The following NFATC2 variants were observed in gnomAD, a reference collection of about 807,000 sequenced individuals.
NFATC2 encodes nuclear factor of activated T-cells, cytoplasmic 2.
A neutral mutation model predicts 87.3 loss-of-function variants in NFATC2; 22 were observed. The ratio of observed to expected loss-of-function variants is 0.25; its 90% CI spans 0.18 to 0.36. The LOEUF (loss-of-function observed/expected upper bound fraction) is 0.36. Among genes scored for constraint, NFATC2 ranks in the 10% least tolerant of loss-of-function variants. The pLI, the probability that NFATC2 is intolerant of heterozygous loss-of-function variation, is 1.00. For missense variants in NFATC2, 1,149 were observed against 1,259.1 expected (o/e 0.91, Z 1.32); for synonymous variants, 565 against 542.2 (o/e 1.04, Z -0.58).
intron 9 of NFATC2, among the ~76,000 whole-genome samples, chr20:51,405,648 A>T (rs1988489395): frequency 6.6e-6 from 1 of 152,168 alleles, no homozygotes; most frequent in South Asian, 2.1e-4. Context: ...CTGGTTGGTA[A>T]TACCCTCATT....
intron 1 of NFATC2, among the ~76,000 whole-genome samples, chr20:51,561,439 GAAA>G (rs55891243): frequency 0.033 from 2,701 of 82,528 alleles, 42 homozygotes; most frequent in Middle Eastern, 0.055. Flanking sequence ...AGAAAAGAAA[GAAA>G]GAAAGAAAGA....
intron 6 of NFATC2, among the ~76,000 whole-genome samples, chr20:51,440,315 A>G (rs1984162281): frequency 6.6e-6 from 1 of 151,634 alleles, no homozygotes; most frequent in South Asian, 2.1e-4. Flanking sequence ...TTATTTCAAC[A>G]CTGTCTTCTT....
intron 10 of NFATC2, among the ~76,000 whole-genome samples, chr20:51,396,079 TATATATATATATATAA>T (rs1987079757): frequency 1.7e-5 from 1 of 57,622 alleles, no homozygotes; most frequent in African/African-American, 8.7e-5. Context: ...TATATATATA[TATATATATATATATAA>T]GCTAATGGCA....
intron 9 of NFATC2, among the ~76,000 whole-genome samples, chr20:51,414,322 G>C (rs1158922832): frequency 6.6e-6 from 1 of 152,188 alleles, no homozygotes; most frequent in East Asian, 1.9e-4. Flanking sequence ...AGGACTTCAA[G>C]GCAAGAGAGA....
rs1027483937 is a variant in NFATC2 at position 51,558,724 on chromosome 20, C to T, written c.70+3836G>A. 5.9e-5 allele frequency among the ~76,000 whole-genome samples: 9 copies of T among 152,206 alleles called. No homozygotes were observed. In the East Asian group the frequency reaches 1.2e-3, roughly 20 times the overall value. ...GCCCAGCAGAGAAGTGTCTAGGGGC[C>T]CTGCTCCTATGGTTCTGATTGGTTT... On this transcript the variant is annotated intron_variant, in intron 1 of 10. Coordinates refer to the NFATC2 transcript ENST00000414705.
chr20:51,524,566 G>A lies in NFATC2; in HGVS notation c.131-456C>T, dbSNP rs922110760. ...GACGGATCCCCTAACCCGTCTGCGC[G>A]GTAGGTCATGACCCCTAGTTTGAAA... On this transcript the variant is annotated intron_variant, in intron 1 of 10. Coordinates refer to ENST00000371564, the MANE Select transcript of NFATC2 (RefSeq NM_012340.5). The surrounding 1 kb of genome is among the most constrained non-coding windows in gnomAD (Gnocchi z 4.0). 1.3e-5 allele frequency among the ~76,000 whole-genome samples: 2 copies of A among 152,018 alleles called. No homozygotes were observed. Among genetic ancestry groups the A allele is most frequent in the East Asian group, 1.9e-4 (1 of 5,174 alleles).
intron 5 of NFATC2, among the ~76,000 whole-genome samples, chr20:51,467,611 T>C (rs2146486290): frequency 6.6e-6 from 1 of 152,204 alleles, no homozygotes; most frequent in African/African-American, 2.4e-5. Flanking sequence ...ACCTGAATCA[T>C]TAGTCATTAG....
At chr20:51,465,775 TG>T (rs1378413793) in intron 5 of NFATC2, among the ~76,000 whole-genome samples, 2 of 152,144 alleles carry the variant, frequency 1.3e-5, no homozygotes, top group East Asian at 3.9e-4. Context: ...TCATGACACT[TG>T]GCTCTCAAAT....
rs2076489708 is a variant in NFATC2 at position 51,523,570 on chromosome 20, G to C, written c.671C>G (p.Thr224Ser). 5 of 1,613,882 alleles carry C rather than the reference G, an allele frequency of 3.1e-6. No homozygotes were observed. In the South Asian group the frequency reaches 5.5e-5, roughly 18 times the overall value. Residue 224 changes from threonine (T) to serine (S), a missense_variant, in exon 2 of 11, where the codon ACC becomes AGC. Transcript: ENST00000371564. The surrounding 1 kb of genome is among the most constrained non-coding windows in gnomAD (Gnocchi z 6.9). Reference protein sequence around the residue: ...PRTSPIMSPRTSLAEDSCLGR... With the variant: ...PRTSPIMSPRSSLAEDSCLGR... Reference sequence around the variant, plus strand: ...CAGGCAGCTGTCCTCGGCGAGGCTGGTTCGAGGTGACATTATTGGCGAGGT... The same window carrying C: ...CAGGCAGCTGTCCTCGGCGAGGCTGCTTCGAGGTGACATTATTGGCGAGGT...
chr20:51,512,195 G>A (rs2076282590), intron 3 of NFATC2, among the ~76,000 whole-genome samples: 1 of 152,218 alleles, frequency 6.6e-6, no homozygotes, highest in Non-Finnish European at 1.5e-5. Flanking sequence ...TCTTTCTAAA[G>A]TAGGTCTTCC....
chr20:51,513,989 A>C (rs1480569038), intron 3 of NFATC2, among the ~76,000 whole-genome samples: 1 of 152,256 alleles, frequency 6.6e-6, no homozygotes, highest in Non-Finnish European at 1.5e-5. Flanking sequence ...TCCACCATTT[A>C]ATAGCCATAA....
At chr20:51,440,899 C>G (rs755591486) in intron 6 of NFATC2, among the ~76,000 whole-genome samples, 21 of 152,262 alleles carry the variant, frequency 1.4e-4, no homozygotes, top group Non-Finnish European at 2.9e-4. Context: ...ACCCCGCATC[C>G]ACGGGTGCAC....
rs1256182802 is a variant in NFATC2 at position 51,389,799 on chromosome 20, C to T, written c.*1697G>A. 6.6e-6 allele frequency: 1 copy of T among 152,202 alleles called. No homozygotes were observed. The highest frequency in any genetic ancestry group is 2.4e-5 in the African/African-American group (1 of 41,450). 9.4% of individuals were successfully genotyped at this position (152,202 alleles called of 1,614,324 possible). ...GGTAACCTTGACGGGAGAGCCAGGACTTACAAAGCCCACAGTGGGCACTGA... is the reference window on the plus strand; with the variant it reads ...GGTAACCTTGACGGGAGAGCCAGGATTTACAAAGCCCACAGTGGGCACTGA... On this transcript the variant is annotated 3_prime_UTR_variant, in exon 11 of 11. Coordinates refer to ENST00000371564, the MANE Select transcript of NFATC2 (RefSeq NM_012340.5).
intron 2 of NFATC2, among the ~76,000 whole-genome samples, chr20:51,518,372 T>TATGTCC (rs1450043925): frequency 4.6e-5 from 7 of 152,196 alleles, no homozygotes; most frequent in African/African-American, 1.7e-4. Context: ...ATTCTATGTC[T>TATGTCC]TCTCTATCAC....
chr20:51,480,940 T>C lies in NFATC2; in HGVS notation c.1333-5280A>G, dbSNP rs1179776431. 1.3e-5 allele frequency among the ~76,000 whole-genome samples: 2 copies of C among 152,024 alleles called. No homozygotes were observed. Among genetic ancestry groups the C allele is most frequent in the Non-Finnish European group, 2.9e-5 (2 of 67,996 alleles). On this transcript the variant is annotated intron_variant, in intron 3 of 10. Transcript: ENST00000371564. This position sits in a 1 kb window ranked among gnomAD's most constrained non-coding sequence, Gnocchi z 4.2. ...TGAGAACCAACGTGAAGGCCTCCCA[T>C]ATGGGAAAGCCCAGGCACTAATTGC...
intron 6 of NFATC2, among the ~76,000 whole-genome samples, chr20:51,450,549 G>A (rs1985638676): frequency 6.6e-6 from 1 of 152,204 alleles, no homozygotes; most frequent in Non-Finnish European, 1.5e-5. Context: ...CTAAGTGCAT[G>A]CTGCTTATTT....
At chr20:51,486,327 G>A (rs1020232278) in intron 3 of NFATC2, among the ~76,000 whole-genome samples, 1 of 152,178 alleles carries the variant, frequency 6.6e-6, no homozygotes, top group East Asian at 1.9e-4. Flanking sequence ...AGCCACAGGG[G>A]CCTCCTTGCT....
intron 10 of NFATC2, among the ~76,000 whole-genome samples, chr20:51,398,071 C>A (rs7263922): frequency 9.9e-6 from 1 of 100,766 alleles, no homozygotes; most frequent in Non-Finnish European, 2.2e-5. Flanking sequence ...AAACTCAGTT[C>A]CAAGGGGCTG....
rs1200020013 is a variant in NFATC2, at chr20:51,398,594, G to A, written c.*44+49C>T. The stretch of plus-strand genomic sequence containing the variant: ...TTAAAAAAAAAAAAATTCAAGTTAA[G>A]GAAACACACAGCTGGAAAACAAAAG... On this transcript the variant is annotated intron_variant, in intron 10 of 10. Coordinates refer to ENST00000371564, the MANE Select transcript of NFATC2 (RefSeq NM_012340.5). 13 of 1,392,612 alleles carry A rather than the reference G, an allele frequency of 9.3e-6. No individual in the cohort carries two copies. The South Asian group carries it at 1.4e-4, about 15-fold the overall frequency. The allele number at this position is 1,392,612 out of a possible 1,614,324, so 86.3% of individuals were successfully genotyped here.
Sources: gnomAD v4.1 joint callset for allele counts (sites outside exome capture counted in the v4.1 genomes callset) on GRCh38, gnomAD v4.1.1 for gene constraint, Gnocchi (gnomAD v3.1) non-coding constraint, MANE v1.5 for transcripts, NCBI Gene and HGNC (gene_info 2026-07-23, HGNC 2026-07-21) for gene names.